The following TOPBP1 variants were observed in gnomAD, a reference collection of about 807,000 sequenced individuals.
TOPBP1 encodes the protein DNA topoisomerase II binding protein 1, also known as DNA topoisomerase 2-binding protein 1.
Under a neutral mutation model 167.7 loss-of-function variants are expected in TOPBP1, and 28 were observed. The observed-to-expected ratio is 0.17, with a 90% CI of 0.12 to 0.23. The LOEUF is 0.23. Among genes scored for constraint, TOPBP1 ranks in the 10% least tolerant of loss-of-function variants. The probability of loss-of-function intolerance (pLI) is 1.00; values close to 1 mark genes in which losing one functional copy is unlikely to be tolerated. For synonymous variants in TOPBP1, 598 were observed against 611.4 expected (o/e 0.98, Z 0.32); for missense variants, 1,554 against 1,809.6 (o/e 0.86, Z 2.56).
intron 14 of TOPBP1, among the ~76,000 whole-genome samples, chr3:133,633,595 A>G (rs1654521544): frequency 6.6e-6 from 1 of 152,210 alleles, no homozygotes; most frequent in Non-Finnish European, 1.5e-5. Context: ...ATTTAAGGCC[A>G]GTCTGAGCAA....
chr3:133,644,400 T>G (rs772383170), intron 10 of TOPBP1, 37 bp from the exon 11 acceptor site: 1 of 1,493,654 alleles, frequency 6.7e-7, no homozygotes, highest in South Asian at 1.4e-5. Flanking sequence ...AACCAACAAT[T>G]TACCTTATAC....
In TOPBP1 at chr3:133,629,785, G is replaced by GTA. The variant is rs966078833; in HGVS notation, c.2521-1054_2521-1053dup. Among the ~76,000 whole-genome samples, 297 of 150,482 alleles carry GTA rather than the reference G, an allele frequency of 2.0e-3. 4 individuals carry two copies. The highest frequency in any genetic ancestry group is 5.4e-3 in the African/African-American group (221 of 41,060). On this transcript the variant is annotated intron_variant, in intron 14 of 27. Coordinates refer to ENST00000260810, the MANE Select transcript of TOPBP1 (RefSeq NM_007027.4). ...AATATCTTTATATGTGTGTGTGTGT[G>GTA]TATATATATATATATTTTTGAGACG...
intron 27 of TOPBP1, among the ~76,000 whole-genome samples, chr3:133,604,413 A>G (rs1410735138): frequency 6.6e-6 from 1 of 151,868 alleles, no homozygotes; most frequent in Non-Finnish European, 1.5e-5. Context: ...TTGAGATTAC[A>G]GGCGTGTGCT....
At chr3:133,656,973 T>A (rs1319119553) in intron 4 of TOPBP1, 116 bp from the exon 5 acceptor site, 56 of 924,544 alleles carry the variant, frequency 6.1e-5, no homozygotes, top group Non-Finnish European at 8.1e-5. Flanking sequence ...AAGTGTTACA[T>A]AACATTATAA....
intron 1 of TOPBP1, 65 bp from the exon 2 acceptor site, chr3:133,661,199 C>T (rs1936699556): frequency 4.0e-6 from 5 of 1,254,244 alleles, no homozygotes; most frequent in South Asian, 3.1e-5. Flanking sequence ...GCATGTTTAA[C>T]CTACCTATTT....
In TOPBP1 at chr3:133,601,994, C is replaced by T. The variant is rs147410650; in HGVS notation, c.4426-601G>A. ...GCAACCATAGAGCCTGGAGAATAAA[C>T]GAACCAAGCAAATGGGGGGCTGGGG... On this transcript the variant is annotated intron_variant, in intron 27 of 27. Coordinates refer to ENST00000260810, the MANE Select transcript of TOPBP1 (RefSeq NM_007027.4). Among the ~76,000 whole-genome samples the T allele has an allele frequency of 2.5e-3, 378 of 152,216 alleles. 1 individual carries two copies. Among genetic ancestry groups the T allele is most frequent in the African/African-American group, 8.6e-3 (357 of 41,536 alleles).
chr3:133,608,828 A>C (rs1293117141), intron 26 of TOPBP1, 45 bp downstream of exon 26: 1 of 1,579,970 alleles, frequency 6.3e-7, no homozygotes, highest in Non-Finnish European at 8.6e-7. Context: ...TCTTGGTTAG[A>C]TGATTATTCA....
At chr3:133,629,203 A>C (rs1161991863) in intron 14 of TOPBP1, among the ~76,000 whole-genome samples, 1 of 152,228 alleles carries the variant, frequency 6.6e-6, no homozygotes, top group Non-Finnish European at 1.5e-5. Flanking sequence ...TTCCTGTTCT[A>C]AAGCCACCAA....
At chr3:133,647,037 T>C (rs913637568) in intron 10 of TOPBP1, among the ~76,000 whole-genome samples, 5 of 152,184 alleles carry the variant, frequency 3.3e-5, no homozygotes, top group Non-Finnish European at 7.3e-5. Context: ...AGCCAATCCT[T>C]TGGTTTCATA....
chr3:133,602,891 C>CTT (rs1934356003), intron 27 of TOPBP1, among the ~76,000 whole-genome samples: 8 of 136,892 alleles, frequency 5.8e-5, no homozygotes, highest in African/African-American at 2.2e-4. Context: ...TACCTTTTTT[C>CTT]ATTTTTTTTT....
chr3:133,658,896 G>T, intron 3 of TOPBP1, 120 bp downstream of exon 3: 2 of 1,104,308 alleles, frequency 1.8e-6, no homozygotes, highest in Non-Finnish European at 1.2e-6. Context: ...CAAACCAAAA[G>T]AATTCCAATG....
chr3:133,633,020 G>A (rs555581817), intron 14 of TOPBP1, among the ~76,000 whole-genome samples: 12 of 152,256 alleles, frequency 7.9e-5, no homozygotes, highest in South Asian at 2.1e-4. Flanking sequence ...TGATCCTCCC[G>A]TCTTGGGCTC....
rs76086193 is a variant in TOPBP1 at position 133,644,916 on chromosome 3, C to T, written c.1505-553G>A. 7.5e-4 allele frequency among the ~76,000 whole-genome samples: 114 copies of T among 152,336 alleles called. 1 individual carries two copies. The East Asian group carries it at 0.02, about 27-fold the overall frequency. On this transcript the variant is annotated intron_variant, in intron 10 of 27. Coordinates refer to ENST00000260810, the MANE Select transcript of TOPBP1 (RefSeq NM_007027.4). ...TCTTTCATTTATATAAGCACTGTGA[C>T]TAAGTGCTTTACAAATGCATGTAAT...
At chr3:133,658,092 A>C (rs189482804) in intron 3 of TOPBP1, among the ~76,000 whole-genome samples, 151 bp from the exon 4 acceptor site, 1 of 152,352 alleles carries the variant, frequency 6.6e-6, no homozygotes, top group Non-Finnish European at 1.5e-5. Flanking sequence ...AATAAAGATG[A>C]CTATATAATT....
chr3:133,655,445 T>C lies in TOPBP1; in HGVS notation c.587A>G (p.Lys196Arg). ...RYTDINMEDFKCPIFLGCIIC... is the reference protein window; with the variant it reads ...RYTDINMEDFRCPIFLGCIIC... ...TATGCAACCAAGAAAAATAGGACAC[T>C]TGAAATCTTCCATGTTTATATCAGT... Residue 196 changes from lysine to arginine, a missense_variant, in exon 6 of 28, where the codon AAG (lysine) becomes AGG (arginine). Lys to Arg is a conservative substitution (Grantham distance 26). This residue lies in a region of TOPBP1 where 1,197 missense variants were observed against 1,351.5 expected (regional missense o/e 0.89). Transcript: ENST00000260810. 1 of 1,594,710 alleles carries C rather than the reference T, an allele frequency of 6.3e-7. No individual in the cohort carries two copies. Among genetic ancestry groups the C allele is most frequent in the Non-Finnish European group, 8.5e-7 (1 of 1,171,420 alleles).
intron 14 of TOPBP1, among the ~76,000 whole-genome samples, chr3:133,630,645 C>T (rs753978755): frequency 3.3e-5 from 5 of 151,876 alleles, no homozygotes; most frequent in African/African-American, 7.3e-5. Context: ...TTGCCCAGAA[C>T]GGACTGAAGT....
At position 133,655,320 on chromosome 3, in the gene TOPBP1, A is replaced by C; in HGVS notation, c.712T>G (p.Cys238Gly). The C allele has an allele frequency of 2.6e-6, 4 of 1,566,658 alleles. No homozygotes were observed. Among genetic ancestry groups the C allele is most frequent in the Non-Finnish European group, 3.5e-6 (4 of 1,157,246 alleles). Reference protein sequence around the residue: ...QYMGQLKMNECTHLIVQEPKG... With the variant: ...QYMGQLKMNEGTHLIVQEPKG... Reference sequence around the variant, plus strand: ...GGTTCTTGCACAATGAGGTGTGTACATTCATTCATTTTCAATTGTCCCATG... The same window carrying C: ...GGTTCTTGCACAATGAGGTGTGTACCTTCATTCATTTTCAATTGTCCCATG... The change falls in exon 6 of 28, where the codon TGT becomes GGT. Residue 238 changes from cysteine to glycine, a missense_variant. Cys to Gly is a radical substitution (Grantham distance 159). Around this residue, in one of 3 missense-constraint regions of TOPBP1, gnomAD observed 1,197 missense variants for 1,351.5 expected, o/e 0.89. Coordinates refer to ENST00000260810, the MANE Select transcript of TOPBP1 (RefSeq NM_007027.4).
chr3:133,640,128 G>A lies in TOPBP1; in HGVS notation c.2064C>T (p.Gly688=), dbSNP rs1935846046. The A allele has an allele frequency of 3.7e-6, 6 of 1,613,656 alleles. No individual in the cohort carries two copies. Among genetic ancestry groups the A allele is most frequent in the Non-Finnish European group, 4.2e-6 (5 of 1,179,794 alleles). ...GTATAAGATGAGTACTGGCAAACATGCCTTTCTTTGCATTGGATTTGCGAA... is the reference window on the plus strand; with the variant it reads ...GTATAAGATGAGTACTGGCAAACATACCTTTCTTTGCATTGGATTTGCGAA... The part of the protein sequence containing the change: ...YFVRKSNAKK[G]MFASTHLILK... The change falls in exon 13 of 28, where the codon GGC becomes GGT. Residue 688 remains glycine, a synonymous_variant. Transcript: ENST00000260810.
Position 133,653,532 on chromosome 3 carries a change from G to A in TOPBP1, c.743-8C>T, listed in dbSNP as rs373305139. 2.7e-5 allele frequency: 41 copies of A among 1,521,520 alleles called. No individual in the cohort carries two copies. The highest frequency in any genetic ancestry group is 2.3e-4 in the African/African-American group (16 of 70,168). The allele number at this position is 1,521,520 out of a possible 1,614,324, so 94.3% of individuals were successfully genotyped here. ...CACACTCATACTTCTGACCTGTGGC[G>A]TTCATTAAGAAAGAAATAGAGAAAA... is the stretch of plus-strand genomic sequence containing the variant. On this transcript the variant is annotated splice_region_variant and splice_polypyrimidine_tract_variant and intron_variant, in intron 6 of 27. Coordinates refer to ENST00000260810, the MANE Select transcript of TOPBP1 (RefSeq NM_007027.4).
Sources: allele counts gnomAD v4.1 joint callset (sites outside exome capture counted in the v4.1 genomes callset), GRCh38; gene constraint gnomAD v4.1.1; regional missense constraint gnomAD v4.1.1; transcripts MANE v1.5; gene names NCBI Gene and HGNC (gene_info 2026-07-23, HGNC 2026-07-21).